Variants in BMP6 observed in about 807,000 individuals in gnomAD.
The protein encoded by BMP6 is VG-1-R.
A neutral mutation model predicts 54.1 loss-of-function variants in BMP6; 17 were observed. The ratio of observed to expected loss-of-function variants is 0.31; its 90% CI spans 0.22 to 0.47. The LOEUF is 0.47. BMP6 is among the 20% of genes least tolerant of loss of function. BMP6 has a pLI of 1.00. For missense variants in BMP6, 720 were observed against 690.4 expected, an observed-to-expected ratio of 1.04 and a Z score of -0.48; for synonymous variants, 328 against 291.2, an observed-to-expected ratio of 1.13 and a Z score of -1.28.
At chr6:7,873,414 G>A (rs937921471) in intron 4 of BMP6, among the ~76,000 whole-genome samples, 1 of 152,186 alleles carries the variant, frequency 6.6e-6, no homozygotes, top group South Asian at 2.1e-4. Context: ...AGGCATGGGT[G>A]GTTGGAGCTT....
intron 1 of BMP6, among the ~76,000 whole-genome samples, chr6:7,807,354 C>T (rs550488431): frequency 7.2e-5 from 11 of 152,114 alleles, no homozygotes; most frequent in East Asian, 1.9e-4. Flanking sequence ...AGTGCAGTGA[C>T]GCACTCTCTG....
chr6:7,778,176 G>A (rs1368541089), intron 1 of BMP6, among the ~76,000 whole-genome samples: 7 of 152,138 alleles, frequency 4.6e-5, no homozygotes, highest in South Asian at 2.1e-4. Flanking sequence ...AAGGCGTGAC[G>A]TATCTTTTAC....
In BMP6 at chr6:7,861,469, G is replaced by A. The variant is rs138532406; in HGVS notation, c.876G>A (p.Leu292=). 3.0e-5 allele frequency: 49 copies of A among 1,613,320 alleles called. No homozygotes were observed. The African/African-American group carries it at 5.2e-4, about 17-fold the overall frequency. ...CTTTCAGAGACTCTGACCTGTTTTT[G>A]TTGGACACCCGTGTAGTATGGGCCT... The part of the protein sequence containing the change: ...EHQHRDSDLF[L]LDTRVVWASE... Residue 292 remains leucine, a synonymous_variant, in exon 3 of 7, where the codon TTG becomes TTA. Transcript: ENST00000283147.
chr6:7,808,126 T>C (rs746993621), intron 1 of BMP6, among the ~76,000 whole-genome samples: 5 of 152,182 alleles, frequency 3.3e-5, no homozygotes, highest in East Asian at 1.9e-4. Context: ...TTCACCGTGT[T>C]AGCCAGGATG....
In BMP6 at chr6:7,726,554, C is replaced by T. The variant is rs115422716; in HGVS notation, c.-402C>T. ...CGCTGCCCCGGGTCCCACTCAGTCG[C>T]CAGGGAGAGCGCGGGGCAGCGCACG... On this transcript the variant is annotated 5_prime_UTR_variant, in exon 1 of 7. Coordinates refer to ENST00000283147, the MANE Select transcript of BMP6 (RefSeq NM_001718.6). Among the ~76,000 whole-genome samples the T allele has an allele frequency of 0.016, 2,412 of 152,268 alleles. 69 individuals are homozygous for T. Among genetic ancestry groups the T allele is most frequent in the African/African-American group, 0.055 (2,287 of 41,564 alleles).
chr6:7,864,910 T>G (rs1236113179), intron 4 of BMP6, among the ~76,000 whole-genome samples: 2 of 151,952 alleles, frequency 1.3e-5, no homozygotes, highest in Non-Finnish European at 2.9e-5. Flanking sequence ...TGATGAAGTC[T>G]GCCAATGGTA....
chr6:7,727,612 G>A lies in BMP6; in HGVS notation c.657G>A (p.Val219=), dbSNP rs368124008. ...ACGCGGACATGGTCATGAGCTTTGT[G>A]AACCTGGGTAAGGATTTGGGGTAAC... ...LNDADMVMSF[V]NLVEYDKEFS... The change falls in exon 1 of 7, where the codon GTG becomes GTA. Residue 219 remains valine (V), a synonymous_variant. Transcript: ENST00000283147. The A allele has an allele frequency of 5.2e-5, 81 of 1,554,406 alleles. No homozygotes were observed. The highest frequency in any genetic ancestry group is 6.7e-5 in the Non-Finnish European group (78 of 1,159,360).
intron 1 of BMP6, among the ~76,000 whole-genome samples, chr6:7,819,007 A>G (rs913914126): frequency 6.6e-6 from 1 of 152,184 alleles, no homozygotes; most frequent in Non-Finnish European, 1.5e-5. Context: ...AAGGAGAAAC[A>G]TTGTTCATAA....
chr6:7,798,357 C>T (rs1315691318), intron 1 of BMP6, among the ~76,000 whole-genome samples: 2 of 152,206 alleles, frequency 1.3e-5, no homozygotes, highest in Non-Finnish European at 2.9e-5. Flanking sequence ...CCACTTTCCT[C>T]ACCTTACTGA....
chr6:7,836,368 A>G (rs992032802), intron 1 of BMP6, among the ~76,000 whole-genome samples: 5 of 152,166 alleles, frequency 3.3e-5, no homozygotes, highest in Admixed American at 3.3e-4. Context: ...GGATTTCTGG[A>G]TCTGGATTTG....
At chr6:7,825,852 A>C (rs1164693286) in intron 1 of BMP6, among the ~76,000 whole-genome samples, 1 of 152,240 alleles carries the variant, frequency 6.6e-6, no homozygotes, top group East Asian at 1.9e-4. Flanking sequence ...ACTGTGATCA[A>C]AAGGCAGCCT....
chr6:7,843,076 G>A (rs541697830), intron 1 of BMP6, among the ~76,000 whole-genome samples: 2 of 152,318 alleles, frequency 1.3e-5, no homozygotes, highest in East Asian at 3.8e-4. Context: ...TTAGGGAAAA[G>A]TGATACACCG....
In BMP6 at chr6:7,861,470, T is replaced by C. The variant is rs144129356; in HGVS notation, c.877T>C (p.Leu293=). 3.0e-4 allele frequency: 479 copies of C among 1,614,120 alleles called. 3 individuals carry two copies. In the African/African-American group the frequency reaches 6.0e-3, roughly 20 times the overall value. The stretch of plus-strand genomic sequence containing the variant: ...TTTCAGAGACTCTGACCTGTTTTTG[T>C]TGGACACCCGTGTAGTATGGGCCTC... ...HQHRDSDLFL[L]DTRVVWASEE... is the part of the protein sequence containing the mutation. Residue 293 remains leucine (L), a synonymous_variant, in exon 3 of 7, where the codon TTG becomes CTG. Transcript: ENST00000283147.
At chr6:7,763,092 A>G (rs73379796) in intron 1 of BMP6, among the ~76,000 whole-genome samples, 12,327 of 152,296 alleles carry the variant, frequency 0.081, 1,635 homozygotes, top group African/African-American at 0.28. Context: ...TGAATTCTGC[A>G]AGTCTTGGTA....
At chr6:7,857,980 C>G (rs978456661) in intron 2 of BMP6, among the ~76,000 whole-genome samples, 1 of 152,174 alleles carries the variant, frequency 6.6e-6, no homozygotes, top group African/African-American at 2.4e-5. Flanking sequence ...CACTGGGGCT[C>G]CACCACTATG....
rs532667646 is a variant in BMP6 at position 7,864,741 on chromosome 6, A to G, written c.1204+2243A>G. On this transcript the variant is annotated intron_variant, in intron 4 of 6. Transcript: ENST00000283147. The stretch of plus-strand genomic sequence containing the variant: ...TTCTTGTCATCCTGGTGTTTCTCGG[A>G]AGCATTGCTCACAGCATGGGTGTTC... Among the ~76,000 whole-genome samples the G allele has an allele frequency of 1.2e-4, 19 of 152,322 alleles. No individual in the cohort carries two copies. The South Asian group carries it at 3.9e-3, about 32-fold the overall frequency.
chr6:7,833,887 G>T (rs897711564), intron 1 of BMP6, among the ~76,000 whole-genome samples: 5 of 152,152 alleles, frequency 3.3e-5, no homozygotes, highest in Non-Finnish European at 7.3e-5. Flanking sequence ...CATCTGCAGG[G>T]CCTCCTGCTA....
chr6:7,796,679 A>G (rs1322264040), intron 1 of BMP6, among the ~76,000 whole-genome samples: 2 of 152,240 alleles, frequency 1.3e-5, no homozygotes, highest in African/African-American at 2.4e-5. Flanking sequence ...AGCGATACTT[A>G]TAAAATAAAT....
chr6:7,729,787 G>A (rs990996654), intron 1 of BMP6, among the ~76,000 whole-genome samples: 3 of 152,154 alleles, frequency 2.0e-5, no homozygotes, highest in East Asian at 1.9e-4. Context: ...TGGGAGGTAG[G>A]GGGGAACGCC....
Sources: gnomAD v4.1 joint callset for allele counts (sites outside exome capture counted in the v4.1 genomes callset) on GRCh38, gnomAD v4.1.1 for gene constraint, MANE v1.5 for transcripts, NCBI Gene and HGNC (gene_info 2026-07-23, HGNC 2026-07-21) for gene names.